The following PLXNA1 variants were observed in gnomAD, a reference collection of about 807,000 sequenced individuals.
PLXNA1 encodes the protein plexin A1.
In PLXNA1, 77 loss-of-function variants were observed where a neutral mutation model predicts 191.7. The ratio of observed to expected loss-of-function variants is 0.40; its 90% CI spans 0.33 to 0.49. The LOEUF (loss-of-function observed/expected upper bound fraction) is 0.49, where lower values mean the gene tolerates loss of function less well. Among genes scored for constraint, PLXNA1 ranks in the 20% least tolerant of loss-of-function variants. The pLI is 0.63. For synonymous variants in PLXNA1, 1,137 were observed against 1,156.4 expected, an observed-to-expected ratio of 0.98 and a Z score of 0.34; for missense variants, 2,110 against 2,660.2, an observed-to-expected ratio of 0.79 and a Z score of 4.55.
At chr3:127,011,213 C>A (rs1438590716) in intron 9 of PLXNA1, among the ~76,000 whole-genome samples, 2 of 152,224 alleles carry the variant, frequency 1.3e-5, no homozygotes, top group Non-Finnish European at 2.9e-5. Context: ...TGCAAGGTGC[C>A]ACCACCTGCC....
intron 3 of PLXNA1, among the ~76,000 whole-genome samples, chr3:126,996,796 C>T (rs1488933180): frequency 6.6e-6 from 1 of 152,144 alleles, no homozygotes; most frequent in Non-Finnish European, 1.5e-5. Context: ...ACAGCCTGTG[C>T]TGCACTGTTG....
At chr3:127,021,122 C>G (rs907372694) in intron 21 of PLXNA1, among the ~76,000 whole-genome samples, 1 of 152,166 alleles carries the variant, frequency 6.6e-6, no homozygotes, top group African/African-American at 2.4e-5. Flanking sequence ...TGTGGTGACT[C>G]TGTTGGTGGG....
At chr3:126,983,332 GGGGCC>G (rs2078940069) in intron 1 of PLXNA1, among the ~76,000 whole-genome samples, 45 bp downstream of exon 1, 1 of 145,188 alleles carries the variant, frequency 6.9e-6, no homozygotes, top group South Asian at 2.1e-4. Flanking sequence ...ACGGTGGGCG[GGGGCC>G]GGGCCGGGCT....
At position 127,006,089 on chromosome 3, in the gene PLXNA1, G is replaced by A. The variant is rs745963857; in HGVS notation, c.1908G>A (p.Arg636=). ...APITRGQGDQ[R]VVKLYLKSKE... Reference sequence around the variant, plus strand: ...ATGCTGCTCGTGCAGGAGACCAGCGGGTGGTGAAACTCTACCTAAAGTCCA... The same window carrying A: ...ATGCTGCTCGTGCAGGAGACCAGCGAGTGGTGAAACTCTACCTAAAGTCCA... Residue 636 remains arginine, a synonymous_variant, in exon 8 of 32, where the codon CGG becomes CGA. Coordinates refer to ENST00000393409, the MANE Select transcript of PLXNA1 (RefSeq NM_032242.4). 3 of 1,613,674 alleles carry A rather than the reference G, an allele frequency of 1.9e-6. No homozygotes were observed. Among genetic ancestry groups the A allele is most frequent in the East Asian group, 2.2e-5 (1 of 44,892 alleles).
rs2078979485 is a variant in PLXNA1 at position 126,989,604 on chromosome 3, G to A, written c.1011G>A (p.Leu337=). The A allele has an allele frequency of 1.2e-6, 2 of 1,613,092 alleles. No individual in the cohort carries two copies. Among genetic ancestry groups the A allele is most frequent in the South Asian group, 2.2e-5 (2 of 91,094 alleles). ...GCCTGGCTGAGGACGAGGACGTGCT[G>A]TTCACTGTGTTCGCCCAGGGCCAGA... The part of the protein sequence containing the change: ...QLGLAEDEDV[L]FTVFAQGQKN... Residue 337 remains leucine (L), a synonymous_variant, in exon 2 of 32, where the codon CTG becomes CTA. Transcript: ENST00000393409.
chr3:127,029,822 C>CG (rs1472440699), intron 27 of PLXNA1, 52 bp from the exon 28 acceptor site: 25 of 1,495,032 alleles, frequency 1.7e-5, no homozygotes, highest in East Asian at 2.5e-5. Flanking sequence ...CAGGCTCGGG[C>CG]GGGGGGTGCG....
Position 127,009,109 on chromosome 3 carries a change from C to T in PLXNA1, c.2112+1196C>T, listed in dbSNP as rs560990811. The stretch of plus-strand genomic sequence containing the variant: ...GGCCAGGGAGAGCTGGGCATGAAGT[C>T]ACTGTGGGGATGATGTGCAGATGCA... On this transcript the variant is annotated intron_variant, in intron 9 of 31. Transcript: ENST00000393409. Among the ~76,000 whole-genome samples the T allele has an allele frequency of 7.9e-5, 12 of 151,426 alleles. No individual in the cohort carries two copies. In the South Asian group the frequency reaches 2.5e-3, roughly 31 times the overall value.
At chr3:127,030,512 TC>T in intron 29 of PLXNA1, 100 bp downstream of exon 29, 1 of 1,445,112 alleles carries the variant, frequency 6.9e-7, no homozygotes, top group Non-Finnish European at 9.4e-7. Context: ...CACTTGGGGC[TC>T]CCTGGCGTGG....
In PLXNA1 at chr3:127,030,423, G is replaced by T. The variant is rs770844409; in HGVS notation, c.5231+11G>T. The T allele has an allele frequency of 6.2e-7, 1 of 1,613,258 alleles. No homozygotes were observed. Among genetic ancestry groups the T allele is most frequent in the Non-Finnish European group, 8.5e-7 (1 of 1,179,786 alleles). On this transcript the variant is annotated intron_variant, in intron 29 of 31. Coordinates refer to ENST00000393409, the MANE Select transcript of PLXNA1 (RefSeq NM_032242.4). ...CTGGAAGAGCAACTGGTAATGCAGG[G>T]CAGGGGGAGGAGGGGCATCCCCCAG... is the stretch of plus-strand genomic sequence containing the variant.
At chr3:127,024,206 C>T (rs1265845398) in intron 23 of PLXNA1, among the ~76,000 whole-genome samples, 3 of 152,160 alleles carry the variant, frequency 2.0e-5, no homozygotes, top group Admixed American at 1.3e-4. Context: ...TCTCCACACC[C>T]ACAGAGACAG....
intron 21 of PLXNA1, among the ~76,000 whole-genome samples, chr3:127,020,759 G>A (rs1228551360): frequency 2.0e-5 from 3 of 152,164 alleles, no homozygotes; most frequent in Non-Finnish European, 4.4e-5. Flanking sequence ...CGGCTCCACT[G>A]GCCTGGTCTC....
rs2107628057 is a variant in PLXNA1 at position 127,006,298 on chromosome 3, G to C, written c.1997+120G>C. ...GTCCTCATGTGGCCAGGCAGCAGAT[G>C]GTGATTCCATGATTGGGGCTCCTGA... On this transcript the variant is annotated intron_variant, in intron 8 of 31. Transcript: ENST00000393409. The C allele has an allele frequency of 3.9e-6, 3 of 772,944 alleles. No individual in the cohort carries two copies. In the South Asian group the frequency reaches 4.5e-5, roughly 12 times the overall value. 47.9% of individuals were successfully genotyped at this position (772,944 alleles called of 1,614,324 possible).
intron 3 of PLXNA1, among the ~76,000 whole-genome samples, chr3:126,999,439 A>C (rs1361818293): frequency 6.6e-6 from 1 of 152,080 alleles, no homozygotes; most frequent in Non-Finnish European, 1.5e-5. Context: ...CCTGGCTGCC[A>C]TCATGGGGCA....
In PLXNA1 at chr3:126,989,548, C is replaced by T. The variant is rs374901417; in HGVS notation, c.955C>T (p.Arg319Trp). 1.6e-5 allele frequency: 26 copies of T among 1,613,106 alleles called. 1 individual carries two copies. Among genetic ancestry groups the T allele is most frequent in the Admixed American group, 6.7e-5 (4 of 60,010 alleles). Residue 319 changes from arginine (R) to tryptophan (W), a missense_variant, in exon 2 of 32, where the codon CGG (arginine) becomes TGG (tryptophan). By Grantham distance (101) the Arg-to-Trp change is moderately radical. Transcript: ENST00000393409. ...CCTGGTGCAGGATGCCTACCTGAGC[C>T]GGCCCGGCCGTGCCCTGGCCCACCA... ...YRLVQDAYLS[R>W]PGRALAHQLG...
intron 22 of PLXNA1, 129 bp downstream of exon 22, chr3:127,022,470 G>C: frequency 8.4e-7 from 1 of 1,189,728 alleles, no homozygotes; most frequent in Non-Finnish European, 1.2e-6. Context: ...GACTCACCTG[G>C]CCTCTGAGGC....
At position 127,014,953 on chromosome 3, in the gene PLXNA1, C is replaced by G. The variant is rs547714695; in HGVS notation, c.2877+122C>G. 1.2e-5 allele frequency: 17 copies of G among 1,458,132 alleles called. No individual in the cohort carries two copies. The African/African-American group carries it at 1.4e-4, about 12-fold the overall frequency. The allele number at this position is 1,458,132 out of a possible 1,614,324, so 90.3% of individuals were successfully genotyped here. On this transcript the variant is annotated intron_variant, in intron 14 of 31. Transcript: ENST00000393409. ...TGCTCTGCCACTGCTTTTCCACGGC[C>G]TGGGTGCTGCCCCTCCCCTCCTGTG... is the stretch of plus-strand genomic sequence containing the variant.
At position 127,034,320 on chromosome 3, in the gene PLXNA1, G is replaced by A. The variant is rs767371224; in HGVS notation, c.*303G>A. 1.6e-5 allele frequency: 5 copies of A among 314,696 alleles called. No individual in the cohort carries two copies. The highest frequency in any genetic ancestry group is 4.2e-5 in the African/African-American group (2 of 47,700). The allele number at this position is 314,696 out of a possible 1,614,324, so 19.5% of individuals were successfully genotyped here. The stretch of plus-strand genomic sequence containing the variant: ...GCAAGAGCTGCCCAGTGGCCTTCAT[G>A]GGAGAAGGGCTGACCTCTGAGGGGC... On this transcript the variant is annotated 3_prime_UTR_variant, in exon 32 of 32. Coordinates refer to ENST00000393409, the MANE Select transcript of PLXNA1 (RefSeq NM_032242.4).
rs564716624 is a variant in PLXNA1 at position 127,034,518 on chromosome 3, G to A, written c.*501G>A. On this transcript the variant is annotated 3_prime_UTR_variant, in exon 32 of 32. Transcript: ENST00000393409. ...TGGCAGCTGGAGAAAGAGGCAAAAA[G>A]CCCGTAGCCGGGCAAGAGGAGCTCA... The A allele has an allele frequency of 4.4e-3, 675 of 153,270 alleles. 4 individuals carry two copies. The highest frequency in any genetic ancestry group is 4.6e-3 in the Non-Finnish European group (318 of 68,502). The allele number at this position is 153,270 out of a possible 1,614,324, so 9.5% of individuals were successfully genotyped here. A position where few individuals can be genotyped will look rare whatever the true frequency, so the allele number is the denominator to read the frequency against.
At chr3:127,012,258 G>A (rs940981616) in intron 10 of PLXNA1, 100 bp downstream of exon 10, 3 of 1,229,686 alleles carry the variant, frequency 2.4e-6, no homozygotes, top group Non-Finnish European at 3.4e-6. Flanking sequence ...AAAGGGCAGT[G>A]CACGTGCTCA....
Sources: allele counts gnomAD v4.1 joint callset (sites outside exome capture counted in the v4.1 genomes callset), GRCh38; gene constraint gnomAD v4.1.1; transcripts MANE v1.5; gene names NCBI Gene and HGNC (gene_info 2026-07-23, HGNC 2026-07-21).